KHDC1: variants seen among roughly 807,000 people sequenced by gnomAD.
KHDC1 encodes KH homology domain-containing protein 1.
Under a neutral mutation model 24.7 loss-of-function variants are expected in KHDC1, and 21 were observed. The observed-to-expected ratio is 0.85, with a 90% CI of 0.60 to 1.23. The LOEUF (loss-of-function observed/expected upper bound fraction) is 1.23. KHDC1 is among the 50% of genes most tolerant of loss of function. KHDC1 has a pLI of 0.00. For missense variants in KHDC1, 274 were observed against 298.5 expected, an observed-to-expected ratio of 0.92 and a Z score of 0.61; for synonymous variants, 98 against 111.7, an observed-to-expected ratio of 0.88 and a Z score of 0.77.
intron 2 of KHDC1, among the ~76,000 whole-genome samples, chr6:73,272,836 T>TTTTTC (rs1225325678): frequency 5.9e-4 from 88 of 150,116 alleles, no homozygotes; most frequent in African/African-American, 1.6e-3. Context: ...GCTGGATAAT[T>TTTTTC]TTTTCTTTTC....
At chr6:73,278,178 A>ATTT (rs34114549) in intron 2 of KHDC1, among the ~76,000 whole-genome samples, 10 of 131,478 alleles carry the variant, frequency 7.6e-5, no homozygotes, top group African/African-American at 2.6e-4. Context: ...CGCCTGGCCA[A>ATTT]TTTTTTTTTT....
intron 1 of KHDC1, chr6:73,292,101 A>T: frequency 1.2e-6 from 2 of 1,605,518 alleles, no homozygotes. Flanking sequence ...CTTCTTAGTG[A>T]TGCCAACATG....
At chr6:73,251,783 C>CCTTTT (rs202218649) in intron 2 of KHDC1, among the ~76,000 whole-genome samples, 4 of 149,778 alleles carry the variant, frequency 2.7e-5, no homozygotes, top group East Asian at 1.9e-4. Flanking sequence ...TCTTTTTTTT[C>CCTTTT]CTTTTCTTTT....
intron 2 of KHDC1, among the ~76,000 whole-genome samples, chr6:73,271,705 C>A (rs138033571): frequency 0.01 from 1,585 of 151,130 alleles, 34 homozygotes; most frequent in African/African-American, 0.037. Flanking sequence ...ACCAGCCTGG[C>A]CAACATGGTG....
At chr6:73,308,353 C>A (rs939926733) in intron 1 of KHDC1, among the ~76,000 whole-genome samples, 6 of 151,476 alleles carry the variant, frequency 4.0e-5, no homozygotes. Context: ...GGATTACAGG[C>A]GTGAGCCACC....
intron 2 of KHDC1, among the ~76,000 whole-genome samples, chr6:73,280,108 A>T (rs983394023): frequency 2.0e-5 from 3 of 152,184 alleles, no homozygotes; most frequent in African/African-American, 4.8e-5. Flanking sequence ...TAATACCCAG[A>T]TATTTACCCT....
intron 1 of KHDC1, chr6:73,292,440 CA>C: frequency 5.2e-6 from 4 of 774,764 alleles, no homozygotes; most frequent in Non-Finnish European, 7.2e-6. Context: ...TTGGTTCCAG[CA>C]ACAGACAGAA....
chr6:73,257,387 A>G (rs1766898099), intron 2 of KHDC1, among the ~76,000 whole-genome samples: 1 of 152,136 alleles, frequency 6.6e-6, no homozygotes, highest in Non-Finnish European at 1.5e-5. Flanking sequence ...GTCTGGGCTC[A>G]TGGTTGGGAA....
chr6:73,287,778 G>A lies in KHDC1; in HGVS notation c.206+4220C>T, dbSNP rs1767551066. The stretch of plus-strand genomic sequence containing the variant: ...CATCTGCCACTCCTCTTAGAGGGAG[G>A]ACATATGGGGTCAAGTAATAAATGG... On this transcript the variant is annotated intron_variant, in intron 2 of 4. Transcript: ENST00000370384. Among the ~76,000 whole-genome samples the A allele has an allele frequency of 2.0e-5, 3 of 152,164 alleles. No homozygotes were observed. In the South Asian group the frequency reaches 6.2e-4, roughly 32 times the overall value.
At chr6:73,245,812 A>G (rs144440322) in intron 2 of KHDC1, among the ~76,000 whole-genome samples, 56 of 152,322 alleles carry the variant, frequency 3.7e-4, no homozygotes, top group Middle Eastern at 3.4e-3. Context: ...TAAGTCCAGA[A>G]TAACAGTCGG....
At chr6:73,251,678 T>C (rs1428018176) in intron 2 of KHDC1, among the ~76,000 whole-genome samples, 4 of 152,184 alleles carry the variant, frequency 2.6e-5, no homozygotes, top group Non-Finnish European at 4.4e-5. Flanking sequence ...ATTGCAACTG[T>C]ACTAAAACCA....
chr6:73,273,977 T>C (rs957475756), intron 2 of KHDC1, among the ~76,000 whole-genome samples: 1 of 151,996 alleles, frequency 6.6e-6, no homozygotes, highest in Non-Finnish European at 1.5e-5. Context: ...GTTAACCAGG[T>C]GTGGTGGCAC....
intron 2 of KHDC1, among the ~76,000 whole-genome samples, chr6:73,285,334 CTTTTTT>C (rs750881240): frequency 7.0e-6 from 1 of 142,022 alleles, no homozygotes; most frequent in African/African-American, 2.6e-5. Context: ...CATGACTCTT[CTTTTTT>C]TTTTTTTTTA....
At chr6:73,281,677 A>G (rs1269675350) in intron 2 of KHDC1, among the ~76,000 whole-genome samples, 1 of 151,664 alleles carries the variant, frequency 6.6e-6, no homozygotes. Flanking sequence ...GATAGTACAG[A>G]GTGCCCATTT....
chr6:73,243,003 T>C (rs552137454), intron 2 of KHDC1, among the ~76,000 whole-genome samples: 1 of 152,192 alleles, frequency 6.6e-6, no homozygotes, highest in East Asian at 1.9e-4. Context: ...AAATACACTT[T>C]ACACAAACAG....
chr6:73,271,650 A>AG (rs1767182531), intron 2 of KHDC1, among the ~76,000 whole-genome samples: 1 of 149,628 alleles, frequency 6.7e-6, no homozygotes, highest in Non-Finnish European at 1.5e-5. Context: ...TCTCAGCACT[A>AG]TGGGAGGCCG....
intron 2 of KHDC1, among the ~76,000 whole-genome samples, chr6:73,254,259 A>C (rs2150559842): frequency 6.6e-6 from 1 of 151,952 alleles, no homozygotes; most frequent in South Asian, 2.1e-4. Flanking sequence ...TCAGGAGTTT[A>C]AGACCAGCCT....
intron 2 of KHDC1, among the ~76,000 whole-genome samples, chr6:73,273,349 G>T (rs1767216879): frequency 1.3e-5 from 2 of 150,388 alleles, no homozygotes; most frequent in Non-Finnish European, 3.0e-5. Context: ...TGTATTTTCA[G>T]TAGAGATAGG....
chr6:73,273,222 C>T (rs1376684446), intron 2 of KHDC1, among the ~76,000 whole-genome samples: 1 of 151,268 alleles, frequency 6.6e-6, no homozygotes, highest in Non-Finnish European at 1.5e-5. Flanking sequence ...GGCTGGAGTG[C>T]AATGGCGTGA....
Sources: allele counts gnomAD v4.1 joint callset (sites outside exome capture counted in the v4.1 genomes callset), GRCh38; gene constraint gnomAD v4.1.1; transcripts MANE v1.5; gene names NCBI Gene and HGNC (gene_info 2026-07-23, HGNC 2026-07-21).